The following GRK3 variants were observed in gnomAD, a reference collection of about 807,000 sequenced individuals.
GRK3 encodes the protein G protein-coupled receptor kinase 3.
Under a neutral mutation model 95.7 loss-of-function variants are expected in GRK3, and 54 were observed. The ratio of observed to expected loss-of-function variants is 0.56; its 90% CI spans 0.45 to 0.71. The LOEUF is 0.71. Among genes scored for constraint, GRK3 ranks in the 30% least tolerant of loss-of-function variants. GRK3 has a pLI of 0.00. For synonymous variants in GRK3, 281 were observed against 290.8 expected, an observed-to-expected ratio of 0.97 and a Z score of 0.34; for missense variants, 649 against 851.2, an observed-to-expected ratio of 0.76 and a Z score of 2.96.
At chr22:25,599,358 T>C (rs2084393192) in intron 1 of GRK3, among the ~76,000 whole-genome samples, 1 of 152,036 alleles carries the variant, frequency 6.6e-6, no homozygotes, top group Non-Finnish European at 1.5e-5. Context: ...TTTGGGAGGC[T>C]GAGGTGGGCA....
chr22:25,687,879 G>A (rs551919986), intron 11 of GRK3, among the ~76,000 whole-genome samples: 1 of 152,264 alleles, frequency 6.6e-6, no homozygotes, highest in African/African-American at 2.4e-5. Flanking sequence ...TATAACCCTG[G>A]TGCCTACTAC....
chr22:25,692,025 G>A (rs920393821), intron 12 of GRK3, among the ~76,000 whole-genome samples: 3 of 152,162 alleles, frequency 2.0e-5, no homozygotes, highest in Admixed American at 6.5e-5. Flanking sequence ...GTACAGTGGT[G>A]TGATCACGGC....
intron 18 of GRK3, among the ~76,000 whole-genome samples, chr22:25,715,412 G>A (rs886925925): frequency 3.9e-5 from 6 of 152,138 alleles, no homozygotes; most frequent in South Asian, 2.1e-4. Context: ...CTGGGGGGCC[G>A]AGACAGGAAG....
chr22:25,710,098 C>G (rs1019618904), intron 16 of GRK3, 134 bp downstream of exon 16: 1 of 716,622 alleles, frequency 1.4e-6, no homozygotes, highest in Admixed American at 1.9e-5. Flanking sequence ...ATCCCCACCA[C>G]CCACCTCCCC....
chr22:25,681,741 C>T (rs553247112), intron 9 of GRK3, among the ~76,000 whole-genome samples: 2 of 152,066 alleles, frequency 1.3e-5, no homozygotes, highest in Non-Finnish European at 2.9e-5. Flanking sequence ...TTTTTTATGG[C>T]GAGTTCCTGC....
chr22:25,570,339 C>G (rs575703173), intron 1 of GRK3, among the ~76,000 whole-genome samples: 9 of 152,174 alleles, frequency 5.9e-5, no homozygotes, highest in Non-Finnish European at 8.8e-5. Flanking sequence ...AGGATTTCTA[C>G]TGTCTTTTTA....
At position 25,619,650 on chromosome 22, in the gene GRK3, GTTTTTTTT is replaced by G. The variant is rs536273282; in HGVS notation, c.190+15214_190+15221del. Among the ~76,000 whole-genome samples, 226 of 107,918 alleles carry G rather than the reference GTTTTTTTT, an allele frequency of 2.1e-3. 3 individuals carry two copies. The East Asian group carries it at 0.053, about 25-fold the overall frequency. 70.8% of individuals were successfully genotyped at this position (107,918 alleles called of 152,430 possible). On this transcript the variant is annotated intron_variant, in intron 2 of 20. Coordinates refer to ENST00000324198, the MANE Select transcript of GRK3 (RefSeq NM_005160.4). Reference sequence around the variant, plus strand: ...AGGTGCACACGATCATACCTGGCTAGTTTTTTTTTTTTTTTTTTTTTTTTGTAGAGATA... The same window carrying G: ...AGGTGCACACGATCATACCTGGCTAGTTTTTTTTTTTTTTTTGTAGAGATA...
At chr22:25,661,139 T>A (rs1012013787) in intron 3 of GRK3, among the ~76,000 whole-genome samples, 11 of 152,190 alleles carry the variant, frequency 7.2e-5, no homozygotes, top group African/African-American at 2.7e-4. Context: ...GGCAGTATAT[T>A]TTTTTCCTCC....
At chr22:25,678,718 C>T in intron 8 of GRK3, 98 bp from the exon 9 acceptor site, 1 of 614,018 alleles carries the variant, frequency 1.6e-6, no homozygotes, top group Non-Finnish European at 2.7e-6. Context: ...TTAAACATGG[C>T]CTAAATGTTC....
Position 25,649,131 on chromosome 22 carries a change from A to G in GRK3, c.264+4466A>G. The G allele has an allele frequency of 5.4e-6, 8 of 1,485,336 alleles. No individual in the cohort carries two copies. In the South Asian group the frequency reaches 9.1e-5, roughly 17 times the overall value. The allele number at this position is 1,485,336 out of a possible 1,614,324, so 92.0% of individuals were successfully genotyped here. On this transcript the variant is annotated intron_variant, in intron 3 of 20. Transcript: ENST00000324198. ...CCATGAATTGATGAATCTGTGTTGG[A>G]AGAAGGACCCTGATGAAAGACCAAC...
intron 2 of GRK3, among the ~76,000 whole-genome samples, chr22:25,606,373 C>T (rs1480893863): frequency 1.3e-5 from 2 of 152,144 alleles, no homozygotes. Context: ...TCTGTAATTA[C>T]GTTTTGACGG....
chr22:25,634,894 G>T (rs1322808294), intron 2 of GRK3, among the ~76,000 whole-genome samples: 1 of 152,116 alleles, frequency 6.6e-6, no homozygotes, highest in African/African-American at 2.4e-5. Context: ...AATGAGTTTT[G>T]TGATTTTGCC....
chr22:25,701,345 T>G (rs969557123), intron 13 of GRK3, among the ~76,000 whole-genome samples: 5 of 152,252 alleles, frequency 3.3e-5, no homozygotes, highest in Non-Finnish European at 5.9e-5. Context: ...AGTCTTTGGC[T>G]TTGTTCACAA....
intron 1 of GRK3, among the ~76,000 whole-genome samples, chr22:25,568,728 G>T (rs1931581035): frequency 6.6e-6 from 1 of 152,218 alleles, no homozygotes; most frequent in Non-Finnish European, 1.5e-5. Context: ...TTGCTTTGAA[G>T]TGTATTTGCT....
At chr22:25,665,724 T>G (rs1187846802) in intron 5 of GRK3, among the ~76,000 whole-genome samples, 1 of 152,100 alleles carries the variant, frequency 6.6e-6, no homozygotes, top group Non-Finnish European at 1.5e-5. Flanking sequence ...GACTAAAGTA[T>G]AAGTAAAAGG....
At chr22:25,712,790 A>G (rs1257848649) in intron 17 of GRK3, among the ~76,000 whole-genome samples, 1 of 152,212 alleles carries the variant, frequency 6.6e-6, no homozygotes, top group Non-Finnish European at 1.5e-5. Flanking sequence ...AGTAGCTTCT[A>G]TTATTATGTT....
At chr22:25,716,431 A>G (rs747164098) in intron 18 of GRK3, among the ~76,000 whole-genome samples, 2 of 152,232 alleles carry the variant, frequency 1.3e-5, no homozygotes, top group Non-Finnish European at 1.5e-5. Context: ...AATTGGATCC[A>G]CAACTATATA....
chr22:25,614,414 G>A (rs781773871), intron 2 of GRK3, among the ~76,000 whole-genome samples: 2 of 152,178 alleles, frequency 1.3e-5, no homozygotes, highest in African/African-American at 4.8e-5. Flanking sequence ...GATTATAGGT[G>A]TGAGCCACTG....
intron 8 of GRK3, among the ~76,000 whole-genome samples, chr22:25,675,515 A>G (rs1436295305): frequency 1.3e-5 from 2 of 152,196 alleles, no homozygotes; most frequent in South Asian, 2.1e-4. Context: ...AAGATAGTGG[A>G]AAAATATGAT....
Sources: gnomAD v4.1 joint callset for allele counts (sites outside exome capture counted in the v4.1 genomes callset) on GRCh38, gnomAD v4.1.1 for gene constraint, MANE v1.5 for transcripts, NCBI Gene and HGNC (gene_info 2026-07-23, HGNC 2026-07-21) for gene names.